Variants in ZNF385D observed in about 807,000 individuals in gnomAD.
ZNF385D encodes the protein zinc finger protein 659.
Under a neutral mutation model 35.8 loss-of-function variants are expected in ZNF385D, and 15 were observed. The observed-to-expected ratio is 0.42, with a 90% confidence interval of 0.28 to 0.64. ZNF385D has a LOEUF of 0.64. ZNF385D is among the 30% of genes least tolerant of loss of function. The pLI is 0.23. For synonymous variants in ZNF385D, 212 were observed against 186.8 expected (o/e 1.13, Z -1.10); for missense variants, 474 against 494.6 (o/e 0.96, Z 0.39).
chr3:21,893,198 A>G (rs1054386720), intron 3 of ZNF385D, among the ~76,000 whole-genome samples: 1 of 152,164 alleles, frequency 6.6e-6, no homozygotes, highest in African/African-American at 2.4e-5. Flanking sequence ...GTATTGGTAG[A>G]TTAGAAGCAT....
rs969233141 is a variant in ZNF385D, at chr3:22,316,340, G to A, written c.106+56110C>T. 5.3e-5 allele frequency among the ~76,000 whole-genome samples: 8 copies of A among 152,138 alleles called. No individual in the cohort carries two copies. The South Asian group carries it at 6.2e-4, about 12-fold the overall frequency. Reference sequence around the variant, plus strand: ...GTGTTAATCACTTTACCACAATAACGCTGTCTCAGTGATTTGGGTTTATCT... The same window carrying A: ...GTGTTAATCACTTTACCACAATAACACTGTCTCAGTGATTTGGGTTTATCT... On this transcript the variant is annotated intron_variant, in intron 2 of 5. Transcript: ENST00000494108.
chr3:21,948,830 A>C (rs575594147), intron 3 of ZNF385D, among the ~76,000 whole-genome samples: 1 of 152,262 alleles, frequency 6.6e-6, no homozygotes, highest in African/African-American at 2.4e-5. Context: ...TTTTGCTATG[A>C]AGTATAAGAA....
chr3:21,945,331 T>C (rs959450649), intron 3 of ZNF385D, among the ~76,000 whole-genome samples: 1 of 152,108 alleles, frequency 6.6e-6, no homozygotes, highest in East Asian at 1.9e-4. Context: ...TTCAGAAAAA[T>C]TTTTTAACCA....
intron 2 of ZNF385D, among the ~76,000 whole-genome samples, chr3:21,610,259 T>C (rs1001329714): frequency 6.6e-5 from 10 of 152,084 alleles, no homozygotes; most frequent in African/African-American, 2.4e-4. Flanking sequence ...GCTAACCATA[T>C]AAGAACACGA....
At chr3:22,213,417 T>A (rs1013877010) in intron 2 of ZNF385D, among the ~76,000 whole-genome samples, 1 of 152,076 alleles carries the variant, frequency 6.6e-6, no homozygotes, top group South Asian at 2.1e-4. Flanking sequence ...AGCAGAGTGA[T>A]TGGATTGTCA....
rs112558666 is a variant in ZNF385D, at chr3:22,102,907, AC to A, written c.325+65909del. ...GTGAATTTATCAGGGAAAAAAAAAAACCAACAAGTTCTCACGTATGTCCCTC... is the reference window on the plus strand; with the variant it reads ...GTGAATTTATCAGGGAAAAAAAAAAACAACAAGTTCTCACGTATGTCCCTC... On this transcript the variant is annotated intron_variant, in intron 3 of 5. Coordinates refer to the ZNF385D transcript ENST00000494108. Among the ~76,000 whole-genome samples, 496 of 147,040 alleles carry A rather than the reference AC, an allele frequency of 3.4e-3. 3 individuals are homozygous for A. The highest frequency in any genetic ancestry group is 8.7e-3 in the African/African-American group (345 of 39,760).
chr3:21,538,003 CT>C (rs1316739943), intron 3 of ZNF385D, among the ~76,000 whole-genome samples: 1 of 151,786 alleles, frequency 6.6e-6, no homozygotes, highest in Non-Finnish European at 1.5e-5. Context: ...CAGTCAGATT[CT>C]GGATATATTT....
intron 3 of ZNF385D, among the ~76,000 whole-genome samples, chr3:22,032,589 G>C (rs1486642822): frequency 6.6e-6 from 1 of 152,146 alleles, no homozygotes; most frequent in Non-Finnish European, 1.5e-5. Context: ...CCTAAGCAGT[G>C]TATAGAACTA....
chr3:22,200,313 A>G (rs1374095602), intron 2 of ZNF385D, among the ~76,000 whole-genome samples: 2 of 152,066 alleles, frequency 1.3e-5, no homozygotes, highest in African/African-American at 2.4e-5. Flanking sequence ...ACAGAGTACA[A>G]AAGAGAGAAA....
intron 4 of ZNF385D, among the ~76,000 whole-genome samples, chr3:21,484,915 GCAAACAAAACAAAATAAAGGAAA>G (rs1704921041): frequency 1.3e-5 from 2 of 152,160 alleles, no homozygotes; most frequent in South Asian, 4.1e-4. Flanking sequence ...TATATAGGAG[GCAAACAAAACAAAATAAAGGAAA>G]CAAACCAAAA....
At chr3:21,598,259 G>GATTT (rs1270577319) in intron 2 of ZNF385D, among the ~76,000 whole-genome samples, 1 of 152,110 alleles carries the variant, frequency 6.6e-6, no homozygotes. Context: ...TCTCATTTCT[G>GATTT]ATTTATTTTC....
At chr3:22,178,777 G>T (rs1037965610) in intron 2 of ZNF385D, among the ~76,000 whole-genome samples, 11 of 152,144 alleles carry the variant, frequency 7.2e-5, no homozygotes, top group Non-Finnish European at 1.5e-4. Flanking sequence ...TGTAAGGAAG[G>T]GATCTAGTTT....
chr3:21,645,418 A>G (rs893481694), intron 2 of ZNF385D, among the ~76,000 whole-genome samples: 3 of 152,186 alleles, frequency 2.0e-5, no homozygotes, highest in Non-Finnish European at 2.9e-5. Flanking sequence ...AGTTTAAGCT[A>G]CTGACTCCTT....
chr3:22,179,246 C>A (rs1559432040), intron 2 of ZNF385D, among the ~76,000 whole-genome samples: 2 of 152,080 alleles, frequency 1.3e-5, no homozygotes, highest in Admixed American at 6.5e-5. Flanking sequence ...TTGTTTGTAT[C>A]CTCTTTTATT....
chr3:21,695,633 C>T (rs568932702), intron 1 of ZNF385D, among the ~76,000 whole-genome samples: 1 of 152,162 alleles, frequency 6.6e-6, no homozygotes, highest in Non-Finnish European at 1.5e-5. Context: ...CTCTACAACA[C>T]CATAGAGAAA....
chr3:21,429,973 A>G (rs1701218960), intron 5 of ZNF385D, among the ~76,000 whole-genome samples: 1 of 152,014 alleles, frequency 6.6e-6, no homozygotes. Context: ...TAATAGCATT[A>G]TAACTCTTGT....
In ZNF385D at chr3:22,056,851, T is replaced by C. The variant is rs111361128; in HGVS notation, c.325+111966A>G. Among the ~76,000 whole-genome samples, 1,196 of 152,324 alleles carry C rather than the reference T, an allele frequency of 7.9e-3. 17 individuals are homozygous for C. The highest frequency in any genetic ancestry group is 0.027 in the African/African-American group (1,125 of 41,576). On this transcript the variant is annotated intron_variant, in intron 3 of 5. Coordinates refer to the ZNF385D transcript ENST00000494108. The stretch of plus-strand genomic sequence containing the variant: ...TCAATTCAAATTAGCTCCATGTGTC[T>C]CATTGTGGAGCCCAGGCTGAATGAT...
chr3:21,721,107 C>T (rs999287782), intron 1 of ZNF385D, among the ~76,000 whole-genome samples: 9 of 151,754 alleles, frequency 5.9e-5, no homozygotes, highest in Non-Finnish European at 1.3e-4. Context: ...TATTCGAAAA[C>T]ATACTCTTGC....
chr3:22,057,001 A>G (rs1157372612), intron 3 of ZNF385D, among the ~76,000 whole-genome samples: 3 of 152,236 alleles, frequency 2.0e-5, no homozygotes, highest in Non-Finnish European at 2.9e-5. Flanking sequence ...AGGTTGGAAT[A>G]TATACTCCGT....
Sources: gnomAD v4.1 joint callset for allele counts (sites outside exome capture counted in the v4.1 genomes callset) on GRCh38, gnomAD v4.1.1 for gene constraint, MANE v1.5 for transcripts, NCBI Gene and HGNC (gene_info 2026-07-23, HGNC 2026-07-21) for gene names.